The following USP4 variants were observed in gnomAD, a reference collection of about 807,000 sequenced individuals.
USP4 encodes the protein ubiquitin specific peptidase 4.
Under a neutral mutation model 118.2 loss-of-function variants are expected in USP4, and 72 were observed. That is an observed-to-expected ratio of 0.61 (90% confidence interval 0.50 to 0.74). The LOEUF is 0.74. USP4 is among the 30% of genes least tolerant of loss of function. The pLI is 0.00. For synonymous variants in USP4, 415 were observed against 440.4 expected, an observed-to-expected ratio of 0.94 and a Z score of 0.72; for missense variants, 1,037 against 1,185.7, an observed-to-expected ratio of 0.87 and a Z score of 1.84.
rs183250558 is a variant in USP4, at chr3:49,328,348, C to T, written c.230-532G>A. On this transcript the variant is annotated intron_variant, in intron 2 of 21. Transcript: ENST00000265560. ...ACTCCAGCCTGGTGAAAGAGCAAGA[C>T]TCCATCTCAAAAATAAATAAATCAT... 2.2e-4 allele frequency among the ~76,000 whole-genome samples: 33 copies of T among 152,152 alleles called. 1 individual carries two copies. In the East Asian group the frequency reaches 6.2e-3, roughly 29 times the overall value.
intron 2 of USP4, among the ~76,000 whole-genome samples, chr3:49,330,462 G>A (rs1270480530): frequency 1.3e-5 from 2 of 151,624 alleles, no homozygotes; most frequent in African/African-American, 4.8e-5. Context: ...CGAGGAGCTG[G>A]GACTACAGGC....
chr3:49,305,840 A>G lies in USP4; in HGVS notation c.1003T>C (p.Tyr335His), dbSNP rs770884505. The G allele has an allele frequency of 9.9e-6, 16 of 1,614,000 alleles. No homozygotes were observed. The highest frequency in any genetic ancestry group is 8.5e-6 in the Non-Finnish European group (10 of 1,179,996). Reference protein sequence around the residue: ...PLTDYFLKDEYEAEINRDNPL... With the variant: ...PLTDYFLKDEHEAEINRDNPL... ...TTGTCTCTGTTGATTTCGGCTTCAT[A>G]CTCATCTTTGAGAAAGTAGTCAGTC... The change falls in exon 9 of 22, where the codon TAT becomes CAT. Residue 335 changes from tyrosine (Y) to histidine (H), a missense_variant. Coordinates refer to ENST00000265560, the MANE Select transcript of USP4 (RefSeq NM_003363.4).
rs1437223167 is a variant in USP4, at chr3:49,325,691, T to C, written c.487+28A>G. The C allele has an allele frequency of 3.7e-6, 6 of 1,610,722 alleles. No homozygotes were observed. In the African/African-American group the frequency reaches 8.0e-5, roughly 22 times the overall value. On this transcript the variant is annotated intron_variant, in intron 4 of 21. Coordinates refer to ENST00000265560, the MANE Select transcript of USP4 (RefSeq NM_003363.4). ...CAATGTCCTACACTCTCTCACCACA[T>C]ACCAGGGACCCCAGCCCAGCCTCTC...
At chr3:49,323,955 A>G (rs893062112) in intron 6 of USP4, among the ~76,000 whole-genome samples, 6 of 152,168 alleles carry the variant, frequency 3.9e-5, no homozygotes, top group Non-Finnish European at 7.3e-5. Context: ...AATGAGTAAC[A>G]GGCCACTGGG....
At chr3:49,301,278 T>C (rs1286548143) in intron 10 of USP4, among the ~76,000 whole-genome samples, 5 of 152,130 alleles carry the variant, frequency 3.3e-5, no homozygotes, top group Non-Finnish European at 7.3e-5. Flanking sequence ...ACATAGGACC[T>C]ATTGGAAACT....
chr3:49,320,964 T>G (rs544425965), intron 6 of USP4, among the ~76,000 whole-genome samples: 83 of 152,144 alleles, frequency 5.5e-4, no homozygotes, highest in Non-Finnish European at 9.8e-4. Flanking sequence ...CCAGCCTTCC[T>G]GAAAGCCAGG....
intron 6 of USP4, chr3:49,311,872 C>T: frequency 4.1e-6 from 5 of 1,223,094 alleles, no homozygotes; most frequent in Non-Finnish European, 5.2e-6. Flanking sequence ...CCACCACATA[C>T]CCTTTCAGTG....
chr3:49,311,553 G>A lies in USP4; in HGVS notation c.797C>T (p.Thr266Ile). The A allele has an allele frequency of 6.2e-7, 1 of 1,613,950 alleles. No homozygotes were observed. Among genetic ancestry groups the A allele is most frequent in the Non-Finnish European group, 8.5e-7 (1 of 1,179,888 alleles). The change falls in exon 7 of 22, where the codon ACT becomes ATT. Residue 266 changes from threonine to isoleucine, a missense_variant. Transcript: ENST00000265560. ...SASLIANGDS[T>I]STCGMHSSGV... ...GGAACTGTGCATCCCACAGGTGCTAGTGCTATCACCATTTGCAATGAGAGA... is the reference window on the plus strand; with the variant it reads ...GGAACTGTGCATCCCACAGGTGCTAATGCTATCACCATTTGCAATGAGAGA...
intron 16 of USP4, 121 bp downstream of exon 16, chr3:49,285,977 G>T: frequency 2.2e-6 from 2 of 905,492 alleles, no homozygotes; most frequent in Admixed American, 2.4e-5. Context: ...GGTCATACAA[G>T]TGCTGCTCCT....
At chr3:49,307,779 C>CACAAA (rs201730475) in intron 8 of USP4, among the ~76,000 whole-genome samples, 2,796 of 151,708 alleles carry the variant, frequency 0.018, 88 homozygotes, top group African/African-American at 0.061. Flanking sequence ...ACCCCGTTTC[C>CACAAA]ACAAAACAAA....
intron 10 of USP4, among the ~76,000 whole-genome samples, chr3:49,300,994 G>A (rs1222555832): frequency 6.6e-6 from 1 of 152,008 alleles, no homozygotes; most frequent in Non-Finnish European, 1.5e-5. Context: ...TGTCGCTCAG[G>A]CTGGCGTGAT....
Position 49,310,585 on chromosome 3 carries a change from T to C in USP4, c.954+35A>G, listed in dbSNP as rs1423426108. The C allele has an allele frequency of 4.5e-6, 7 of 1,565,728 alleles. No homozygotes were observed. In the South Asian group the frequency reaches 6.7e-5, roughly 15 times the overall value. ...GGCCACTTCCACCCAAACCTCAAGA[T>C]GCTGTGTTATTTGAATGGAAGTTCT... On this transcript the variant is annotated intron_variant, in intron 8 of 21. Transcript: ENST00000265560.
At chr3:49,316,342 C>T (rs566533000) in intron 6 of USP4, among the ~76,000 whole-genome samples, 6 of 152,194 alleles carry the variant, frequency 3.9e-5, no homozygotes, top group Non-Finnish European at 5.9e-5. Context: ...GGCTGGAGTG[C>T]AGTGGTCCAA....
rs1470978035 is a variant in USP4 at position 49,277,258 on chromosome 3, C to T, written c.*1035G>A. The stretch of plus-strand genomic sequence containing the variant: ...GCCCCGCGCAGGCCCCAAACCCCCA[C>T]GGATTAGGTTGAAGGTCAGACAAAA... On this transcript the variant is annotated 3_prime_UTR_variant, in exon 22 of 22. Transcript: ENST00000265560. 1.0e-5 allele frequency: 13 copies of T among 1,296,560 alleles called. No individual in the cohort carries two copies. Among genetic ancestry groups the T allele is most frequent in the Admixed American group, 2.3e-5 (1 of 43,636 alleles). The allele number at this position is 1,296,560 out of a possible 1,614,324, so 80.3% of individuals were successfully genotyped here. A position where few individuals can be genotyped will look rare whatever the true frequency, so the allele number is the denominator to read the frequency against.
Position 49,302,339 on chromosome 3 carries a change from C to T in USP4, c.1287+45G>A, listed in dbSNP as rs531666849. The T allele has an allele frequency of 1.9e-6, 3 of 1,599,036 alleles. No individual in the cohort carries two copies. In the African/African-American group the frequency reaches 4.0e-5, roughly 21 times the overall value. On this transcript the variant is annotated intron_variant, in intron 10 of 21. Coordinates refer to ENST00000265560, the MANE Select transcript of USP4 (RefSeq NM_003363.4). ...ATATCCCTGCACTCTCAATAGGAGG[C>T]AGCTTCTTTGGCATATTATCATTCA... is the stretch of plus-strand genomic sequence containing the variant.
Position 49,294,502 on chromosome 3 carries a change from G to A in USP4, c.1788C>T (p.Ser596=), listed in dbSNP as rs757828745. 16 of 1,614,040 alleles carry A rather than the reference G, an allele frequency of 9.9e-6. No individual in the cohort carries two copies. In the Admixed American group the frequency reaches 1.3e-4, roughly 13 times the overall value. Residue 596 remains serine, a synonymous_variant, in exon 14 of 22, where the codon TCC becomes TCT. Coordinates refer to ENST00000265560, the MANE Select transcript of USP4 (RefSeq NM_003363.4). ...ERKSRPSSTS[S]ASALYGQPLL... ...GTGGCTGCCCATATAGCGCTGATGC[G>A]GAGGAAGTGCTTGATGGCCTGGACT...
intron 20 of USP4, among the ~76,000 whole-genome samples, chr3:49,280,188 G>A (rs1461496185): frequency 2.6e-5 from 4 of 151,968 alleles, no homozygotes; most frequent in African/African-American, 7.3e-5. Flanking sequence ...GCTTGAACCC[G>A]GGAGGTGGAG....
chr3:49,330,019 A>G (rs1404183703), intron 2 of USP4, among the ~76,000 whole-genome samples: 6 of 151,904 alleles, frequency 3.9e-5, no homozygotes, highest in African/African-American at 1.5e-4. Flanking sequence ...GGGCACCTGT[A>G]TCCCAGCTAC....
intron 13 of USP4, 116 bp from the exon 14 acceptor site, chr3:49,294,714 G>T: frequency 1.0e-6 from 1 of 994,064 alleles, no homozygotes; most frequent in Non-Finnish European, 1.5e-6. Context: ...GCATATTTGA[G>T]TAGAAAAGGT....
Sources: gnomAD v4.1 joint callset for allele counts (sites outside exome capture counted in the v4.1 genomes callset) on GRCh38, gnomAD v4.1.1 for gene constraint, MANE v1.5 for transcripts, NCBI Gene and HGNC (gene_info 2026-07-23, HGNC 2026-07-21) for gene names.